Variants in HOOK3 observed in about 807,000 individuals in gnomAD.
HOOK3 encodes protein Hook homolog 3.
In HOOK3, 24 loss-of-function variants were observed where a neutral mutation model predicts 116.3. That is an observed-to-expected ratio of 0.21 (90% CI 0.15 to 0.29). The LOEUF (loss-of-function observed/expected upper bound fraction) is 0.29. Ranked by LOEUF, HOOK3 falls within the 10% of genes least tolerant of loss-of-function variation. The pLI, the probability that HOOK3 is intolerant of heterozygous loss-of-function variation, is 1.00. For missense variants in HOOK3, 632 were observed against 830.2 expected, an observed-to-expected ratio of 0.76 and a Z score of 2.93; for synonymous variants, 275 against 283.0, an observed-to-expected ratio of 0.97 and a Z score of 0.28.
At chr8:42,938,202 G>A (rs955637786) in intron 4 of HOOK3, among the ~76,000 whole-genome samples, 1 of 147,552 alleles carries the variant, frequency 6.8e-6, no homozygotes, top group Non-Finnish European at 1.5e-5. Context: ...TCAGAGACTA[G>A]CATTGCAACC....
chr8:42,934,467 C>T (rs199776250), intron 4 of HOOK3, among the ~76,000 whole-genome samples: 3 of 151,930 alleles, frequency 2.0e-5, no homozygotes, highest in South Asian at 2.1e-4. Context: ...TAGCTATACA[C>T]GTGCCATGGT....
chr8:42,946,057 G>A (rs1202422663), intron 5 of HOOK3, among the ~76,000 whole-genome samples: 1 of 152,150 alleles, frequency 6.6e-6, no homozygotes, highest in South Asian at 2.1e-4. Flanking sequence ...ATGCAATAAA[G>A]CAGATAAATT....
intron 5 of HOOK3, among the ~76,000 whole-genome samples, chr8:42,949,180 T>A (rs1453910467): frequency 6.6e-6 from 1 of 152,192 alleles, no homozygotes; most frequent in Admixed American, 6.5e-5. Flanking sequence ...GTTGTTTGGA[T>A]GTATGGGGTT....
chr8:42,992,950 C>T (rs1184909185), intron 15 of HOOK3, among the ~76,000 whole-genome samples: 5 of 151,988 alleles, frequency 3.3e-5, no homozygotes, highest in South Asian at 2.1e-4. Flanking sequence ...ATGGGTCTCT[C>T]GTATGTAACT....
chr8:42,987,991 T>C (rs1452447508), intron 15 of HOOK3, among the ~76,000 whole-genome samples: 1 of 152,140 alleles, frequency 6.6e-6, no homozygotes, highest in Non-Finnish European at 1.5e-5. Flanking sequence ...CAGTTGGAGG[T>C]CAATCTTAGG....
intron 7 of HOOK3, among the ~76,000 whole-genome samples, chr8:42,958,738 A>G (rs1808484384): frequency 6.6e-6 from 1 of 150,898 alleles, no homozygotes; most frequent in Non-Finnish European, 1.5e-5. Context: ...CTCATTAGGT[A>G]TTTGTCCTAA....
intron 1 of HOOK3, among the ~76,000 whole-genome samples, chr8:42,904,224 C>A (rs1314585518): frequency 3.3e-5 from 5 of 151,256 alleles, no homozygotes; most frequent in African/African-American, 1.2e-4. Context: ...TAGCTTCATC[C>A]GTGTTAGTAT....
chr8:43,005,789 CG>C (rs1321175443), intron 17 of HOOK3, among the ~76,000 whole-genome samples: 2 of 151,560 alleles, frequency 1.3e-5, no homozygotes, highest in African/African-American at 4.8e-5. Flanking sequence ...CTCTGCCTCC[CG>C]GGTTCAAGCA....
At chr8:43,000,488 G>A (rs1467336763) in intron 16 of HOOK3, among the ~76,000 whole-genome samples, 5 of 152,112 alleles carry the variant, frequency 3.3e-5, no homozygotes, top group Admixed American at 2.6e-4. Context: ...TCTGCTCTTG[G>A]TTTTATTCCC....
At chr8:42,988,087 A>G (rs1380958594) in intron 15 of HOOK3, among the ~76,000 whole-genome samples, 1 of 152,214 alleles carries the variant, frequency 6.6e-6, no homozygotes, top group Non-Finnish European at 1.5e-5. Flanking sequence ...GAATCAACAA[A>G]CAGTGTAAAT....
Position 43,027,476 on chromosome 8 carries a change from C to T in HOOK3, c.*8978C>T. ...ACAAAACGTTTCTCTTCTACCTTAC[C>T]CCCTGTTCTACTGACGTGCTTTGCA... On this transcript the variant is annotated 3_prime_UTR_variant, in exon 22 of 22. Transcript: ENST00000307602. 1 of 468,798 alleles carries T rather than the reference C, an allele frequency of 2.1e-6. No homozygotes were observed. Among genetic ancestry groups the T allele is most frequent in the Non-Finnish European group, 4.2e-6 (1 of 239,798 alleles). The allele number at this position is 468,798 out of a possible 1,614,324, so 29.0% of individuals were successfully genotyped here. A position where few individuals can be genotyped will look rare whatever the true frequency, so the allele number is the denominator to read the frequency against.
At chr8:42,897,673 G>T (rs1323998231) in intron 1 of HOOK3, among the ~76,000 whole-genome samples, 2 of 152,244 alleles carry the variant, frequency 1.3e-5, no homozygotes, top group East Asian at 3.8e-4. Context: ...AGGGGCGGAC[G>T]CCTGTCAGAG....
intron 18 of HOOK3, 91 bp downstream of exon 18, chr8:43,008,020 T>A (rs965352674): frequency 5.3e-5 from 28 of 524,028 alleles, no homozygotes; most frequent in Middle Eastern, 4.7e-4. Context: ...ATTATTTATT[T>A]TTTATTTTTA....
intron 4 of HOOK3, among the ~76,000 whole-genome samples, chr8:42,937,352 A>AT (rs35303192): frequency 0.13 from 15,011 of 113,804 alleles, 1,621 homozygotes; most frequent in African/African-American, 0.28. Flanking sequence ...GGATTCATTG[A>AT]TTTTTTTTTT....
At chr8:42,977,731 G>GA (rs1808855090) in intron 13 of HOOK3, among the ~76,000 whole-genome samples, 1 of 152,064 alleles carries the variant, frequency 6.6e-6, no homozygotes, top group Admixed American at 6.6e-5. Context: ...GCCAGGCATG[G>GA]TGGTGCGTGC....
chr8:43,010,473 A>G, intron 19 of HOOK3, 68 bp downstream of exon 19: 1 of 446,632 alleles, frequency 2.2e-6, no homozygotes, highest in Non-Finnish European at 3.9e-6. Context: ...CTCAAATATA[A>G]TGGACGGACA....
At chr8:42,955,024 C>T (rs140333431) in intron 6 of HOOK3, among the ~76,000 whole-genome samples, 1 of 152,320 alleles carries the variant, frequency 6.6e-6, no homozygotes, top group African/African-American at 2.4e-5. Context: ...GGGAAAACAG[C>T]TCTGCTTTTT....
intron 10 of HOOK3, 66 bp from the exon 11 acceptor site, chr8:42,967,947 A>G (rs553721728): frequency 1.1e-6 from 1 of 891,162 alleles, no homozygotes; most frequent in Non-Finnish European, 1.8e-6. Context: ...AATCCTTCTT[A>G]ACACTGAAAC....
chr8:42,971,842 G>A (rs1586615644), intron 11 of HOOK3, among the ~76,000 whole-genome samples: 1 of 152,034 alleles, frequency 6.6e-6, no homozygotes, highest in East Asian at 1.9e-4. Context: ...CACCAAGCCC[G>A]GCTAAATTTT....
Sources: allele counts gnomAD v4.1 joint callset (sites outside exome capture counted in the v4.1 genomes callset), GRCh38; gene constraint gnomAD v4.1.1; transcripts MANE v1.5; gene names NCBI Gene and HGNC (gene_info 2026-07-23, HGNC 2026-07-21).